BNC2: variants seen among roughly 807,000 people sequenced by gnomAD.
BNC2 encodes the protein basonuclin zinc finger protein 2.
Under a neutral mutation model 76.3 loss-of-function variants are expected in BNC2, and 20 were observed. The observed-to-expected ratio is 0.26, with a 90% CI of 0.18 to 0.38. The LOEUF (loss-of-function observed/expected upper bound fraction) is 0.38. Ranked by LOEUF, BNC2 falls within the 10% of genes least tolerant of loss-of-function variation. The pLI is 1.00. For synonymous variants in BNC2, 582 were observed against 514.8 expected, an observed-to-expected ratio of 1.13 and a Z score of -1.77; for missense variants, 1,382 against 1,399.8, an observed-to-expected ratio of 0.99 and a Z score of 0.20.
At chr9:16,576,607 A>C (rs891449041) in intron 4 of BNC2, among the ~76,000 whole-genome samples, 4 of 152,222 alleles carry the variant, frequency 2.6e-5, no homozygotes, top group Admixed American at 2.6e-4. Context: ...ACAAAATGAA[A>C]AATTACTTGT....
intron 1 of BNC2, among the ~76,000 whole-genome samples, chr9:16,857,276 G>A (rs1346194395): frequency 4.0e-5 from 6 of 151,876 alleles, no homozygotes; most frequent in Admixed American, 1.3e-4. Context: ...TCAGGAGTTC[G>A]AGATCAGCCT....
At chr9:16,845,613 T>C (rs1050554223) in intron 1 of BNC2, among the ~76,000 whole-genome samples, 8 of 151,998 alleles carry the variant, frequency 5.3e-5, no homozygotes, top group South Asian at 2.1e-4. Context: ...CCCAGCTACT[T>C]GGGAGGCCGA....
At chr9:16,723,765 C>T (rs529670267) in intron 3 of BNC2, among the ~76,000 whole-genome samples, 3 of 152,106 alleles carry the variant, frequency 2.0e-5, no homozygotes, top group Admixed American at 1.3e-4. Flanking sequence ...TAATGTAAAT[C>T]GTTGATTTAA....
intron 5 of BNC2, among the ~76,000 whole-genome samples, chr9:16,518,619 T>G (rs1390387388): frequency 6.6e-6 from 1 of 152,030 alleles, no homozygotes; most frequent in Non-Finnish European, 1.5e-5. Context: ...TTTTTTGTTT[T>G]TTGTTTTGTT....
intron 4 of BNC2, among the ~76,000 whole-genome samples, chr9:16,570,703 G>T (rs1391438479): frequency 1.3e-5 from 2 of 152,040 alleles, no homozygotes; most frequent in Non-Finnish European, 2.9e-5. Context: ...ACATATCATT[G>T]AGCAGATAGG....
Position 16,853,766 on chromosome 9 carries a change from G to C in BNC2, c.3+16880C>G, listed in dbSNP as rs577045039. On this transcript the variant is annotated intron_variant, in intron 1 of 6. Transcript: ENST00000380672. ...ATCTGTAATCCCAGCTACTCGGGAG[G>C]GTGAGGCAGGAGAACTGCTTGAACC... 2.0e-5 allele frequency among the ~76,000 whole-genome samples: 3 copies of C among 152,090 alleles called. No individual in the cohort carries two copies. The South Asian group carries it at 6.2e-4, about 32-fold the overall frequency.
At chr9:16,442,833 C>A (rs543263842) in intron 5 of BNC2, among the ~76,000 whole-genome samples, 1 of 152,044 alleles carries the variant, frequency 6.6e-6, no homozygotes, top group East Asian at 1.9e-4. Flanking sequence ...CAGCCGGGCA[C>A]GGTGACTCAT....
intron 1 of BNC2, among the ~76,000 whole-genome samples, chr9:16,797,468 T>G (rs1817686436): frequency 6.6e-6 from 1 of 152,156 alleles, no homozygotes; most frequent in Non-Finnish European, 1.5e-5. Context: ...CATTATGACT[T>G]CACCATCTTT....
At chr9:16,642,851 C>T (rs994880515) in intron 3 of BNC2, among the ~76,000 whole-genome samples, 69 of 152,194 alleles carry the variant, frequency 4.5e-4, no homozygotes, top group African/African-American at 1.4e-3. Flanking sequence ...GTTCAAGAGT[C>T]ACAGTTCTGG....
chr9:16,782,138 A>T (rs1173295464), intron 1 of BNC2, among the ~76,000 whole-genome samples: 1 of 152,040 alleles, frequency 6.6e-6, no homozygotes, highest in Non-Finnish European at 1.5e-5. Flanking sequence ...TACAAAAATT[A>T]TCTGGACGTG....
At chr9:16,835,485 G>C (rs944151207) in intron 1 of BNC2, among the ~76,000 whole-genome samples, 1 of 151,662 alleles carries the variant, frequency 6.6e-6, no homozygotes, top group African/African-American at 2.4e-5. Context: ...GATCATTTGA[G>C]GTCAGGAGTT....
At chr9:16,863,887 T>C (rs977546484) in intron 1 of BNC2, among the ~76,000 whole-genome samples, 3 of 152,138 alleles carry the variant, frequency 2.0e-5, no homozygotes, top group Non-Finnish European at 4.4e-5. Context: ...AAAAATATTT[T>C]ATTTACCCTC....
rs114186493 is a variant in BNC2, at chr9:16,469,306, C to T, written c.670-31782G>A. Among the ~76,000 whole-genome samples, 326 of 152,204 alleles carry T rather than the reference C, an allele frequency of 2.1e-3. 4 individuals are homozygous for T. The highest frequency in any genetic ancestry group is 7.3e-3 in the African/African-American group (302 of 41,516). ...ATTCCCACATGTTGTAGGAAGGACC[C>T]GGGGGAGGTAACTGAATCATGGGGG... On this transcript the variant is annotated intron_variant, in intron 5 of 6. Transcript: ENST00000380672.
At chr9:16,485,344 T>C (rs899096873) in intron 5 of BNC2, among the ~76,000 whole-genome samples, 2 of 152,198 alleles carry the variant, frequency 1.3e-5, no homozygotes, top group African/African-American at 4.8e-5. Context: ...ATTAAGTCTC[T>C]TGTAGCCCAG....
chr9:16,446,933 G>C (rs1336523642), intron 5 of BNC2, among the ~76,000 whole-genome samples: 1 of 151,994 alleles, frequency 6.6e-6, no homozygotes, highest in Non-Finnish European at 1.5e-5. Context: ...ATGGGCATTT[G>C]TTTGCAAATA....
chr9:16,583,292 T>C (rs1819678179), intron 3 of BNC2, among the ~76,000 whole-genome samples: 1 of 152,164 alleles, frequency 6.6e-6, no homozygotes, highest in African/African-American at 2.4e-5. Flanking sequence ...AATACAATGT[T>C]TTAGGTCATT....
chr9:16,506,449 C>G (rs1028778675), intron 5 of BNC2, among the ~76,000 whole-genome samples: 2 of 146,674 alleles, frequency 1.4e-5, no homozygotes, highest in South Asian at 4.3e-4. Flanking sequence ...TGTCATCTGG[C>G]AAGTTGAAAT....
At chr9:16,728,856 AT>A (rs1177778082) in intron 2 of BNC2, among the ~76,000 whole-genome samples, 2 of 152,156 alleles carry the variant, frequency 1.3e-5, no homozygotes, top group African/African-American at 2.4e-5. Context: ...GAGAAACTGA[AT>A]GGCAAAGGAA....
At chr9:16,499,743 A>G (rs1187432330) in intron 5 of BNC2, among the ~76,000 whole-genome samples, 1 of 151,690 alleles carries the variant, frequency 6.6e-6, no homozygotes. Flanking sequence ...ATTGGCCAGG[A>G]GGGTCTTGAA....
Sources: allele counts gnomAD v4.1 joint callset (sites outside exome capture counted in the v4.1 genomes callset), GRCh38; gene constraint gnomAD v4.1.1; transcripts MANE v1.5; gene names NCBI Gene and HGNC (gene_info 2026-07-23, HGNC 2026-07-21).